The following HEATR4 variants were observed in gnomAD, a reference collection of about 807,000 sequenced individuals.
HEATR4 encodes the protein HEAT repeat containing 4.
In HEATR4, 95 loss-of-function variants were observed where a neutral mutation model predicts 108.8. The ratio of observed to expected loss-of-function variants is 0.87; its 90% CI spans 0.74 to 1.04. HEATR4 has a LOEUF of 1.04. HEATR4 is among the 50% of genes least tolerant of loss of function. The probability of loss-of-function intolerance (pLI) is 0.00; values close to 1 mark genes in which losing one functional copy is unlikely to be tolerated. For synonymous variants in HEATR4, 443 were observed against 459.4 expected (o/e 0.96, Z 0.46); for missense variants, 1,152 against 1,253.8 (o/e 0.92, Z 1.23).
intron 17 of HEATR4, among the ~76,000 whole-genome samples, chr14:73,484,136 C>T (rs902969795): frequency 2.6e-5 from 4 of 151,864 alleles, no homozygotes; most frequent in African/African-American, 4.8e-5. Flanking sequence ...GGATTGCAGG[C>T]GTGAGCCATC....
At chr14:73,617,228 G>C in the HEATR4 span, 2 of 1,614,014 alleles carry the variant, frequency 1.2e-6, no homozygotes, top group East Asian at 2.2e-5. Flanking sequence ...CAGAAGAGAG[G>C]GGATAGAGCT....
intron 17 of HEATR4, among the ~76,000 whole-genome samples, chr14:73,490,580 C>T (rs1885642369): frequency 6.6e-6 from 1 of 152,160 alleles, no homozygotes; most frequent in African/African-American, 2.4e-5. Context: ...CTCGGCCTCC[C>T]AAAGTGCTGG....
chr14:73,612,576 C>T, the HEATR4 span: 6 of 1,396,416 alleles, frequency 4.3e-6, no homozygotes, highest in African/African-American at 6.0e-5. Flanking sequence ...ATTGGGATGG[C>T]AGCGACGCTG....
chr14:73,517,361 A>G (rs764366600), intron 5 of HEATR4: 12 of 152,210 alleles, frequency 7.9e-5, no homozygotes, highest in Non-Finnish European at 1.6e-4. Context: ...TGTAAATTCA[A>G]GCTCAATAAA....
At chr14:73,526,972 C>G (rs1002527632) in intron 2 of HEATR4, among the ~76,000 whole-genome samples, 1 of 152,096 alleles carries the variant, frequency 6.6e-6, no homozygotes, top group Non-Finnish European at 1.5e-5. Context: ...AGAGAAGAGA[C>G]AAAGTGAGAG....
At chr14:73,503,807 G>A (rs924385498) in intron 10 of HEATR4, among the ~76,000 whole-genome samples, 2 of 152,138 alleles carry the variant, frequency 1.3e-5, no homozygotes, top group East Asian at 1.9e-4. Context: ...TGCCTAGTGC[G>A]TCGGATGTGG....
At position 73,496,635 on chromosome 14, in the gene HEATR4, C is replaced by A. The variant is rs773430248; in HGVS notation, c.2591G>T (p.Gly864Val). Reference protein sequence around the residue: ...TMKILNLGNEGNQEMLQEIKN... With the variant: ...TMKILNLGNEVNQEMLQEIKN... ...GATCTCCTGAAGCATTTCTTGGTTT[C>A]CTTCATTTCCTAAGTTGAGTATCTT... Residue 864 changes from glycine (G) to valine (V), a missense_variant, in exon 15 of 18, where the codon GGA becomes GTA. Coordinates refer to ENST00000553558, the MANE Select transcript of HEATR4 (RefSeq NM_001220484.1). 1.2e-6 allele frequency: 2 copies of A among 1,602,618 alleles called. No individual in the cohort carries two copies. The highest frequency in any genetic ancestry group is 1.1e-5 in the South Asian group (1 of 90,794).
chr14:73,606,854 G>C, the HEATR4 span, among the ~76,000 whole-genome samples: 2 of 152,188 alleles, frequency 1.3e-5, no homozygotes, highest in East Asian at 3.8e-4. Context: ...CACCTTCCCA[G>C]AAGGAGTCTA....
intron 1 of HEATR4, among the ~76,000 whole-genome samples, chr14:73,540,299 A>G (rs1889033110): frequency 3.3e-5 from 5 of 151,590 alleles, no homozygotes; most frequent in African/African-American, 9.6e-5. Flanking sequence ...TTAAAAAAAG[A>G]GCAAAGTCAA....
chr14:73,623,653 G>A, the HEATR4 span, among the ~76,000 whole-genome samples: 2 of 152,064 alleles, frequency 1.3e-5, no homozygotes, highest in African/African-American at 2.4e-5. Flanking sequence ...TCCAGCCTAG[G>A]TGACAGAGCA....
At chr14:73,498,432 C>G (rs1213990394) in intron 13 of HEATR4, 88 bp from the exon 14 acceptor site, 2 of 1,189,206 alleles carry the variant, frequency 1.7e-6, no homozygotes, top group Admixed American at 4.9e-5. Context: ...GCAAACAATA[C>G]CTTCCCTTTT....
upstream of HEATR4, among the ~76,000 whole-genome samples, chr14:73,562,861 T>C (rs566887998): frequency 1.8e-4 from 27 of 152,184 alleles, no homozygotes; most frequent in African/African-American, 6.0e-4. Context: ...AGAAAATACA[T>C]GCACCGCTGA....
chr14:73,612,937 G>C, the HEATR4 span: 1 of 1,322,428 alleles, frequency 7.6e-7, no homozygotes, highest in Non-Finnish European at 1.0e-6. Flanking sequence ...TGCTGTGCCT[G>C]GCGCAGAACA....
intron 1 of HEATR4, chr14:73,537,151 A>G (rs1348864775): frequency 8.7e-6 from 3 of 346,008 alleles, no homozygotes; most frequent in South Asian, 3.4e-5. Context: ...CCATTCCGCG[A>G]GCCAGCAAGC....
chr14:73,567,434 C>T, the HEATR4 span, among the ~76,000 whole-genome samples: 2 of 152,132 alleles, frequency 1.3e-5, no homozygotes, highest in African/African-American at 4.8e-5. Context: ...CACTCTGTGT[C>T]TAGCTAAAGG....
At chr14:73,506,600 T>G (rs200728814) in intron 9 of HEATR4, 29 bp from the exon 10 acceptor site, 1 of 1,515,188 alleles carries the variant, frequency 6.6e-7, no homozygotes, top group East Asian at 2.3e-5. Context: ...TGTATGGATA[T>G]TCACAATCAC....
chr14:73,479,435 C>CTTTT (rs1566814183), intron 17 of HEATR4, among the ~76,000 whole-genome samples: 1 of 89,634 alleles, frequency 1.1e-5, no homozygotes. Flanking sequence ...TTCTTTCTTT[C>CTTTT]TTTCTTTTTT....
chr14:73,605,556 C>CTTTTTT, the HEATR4 span, among the ~76,000 whole-genome samples: 66 of 56,920 alleles, frequency 1.2e-3, 1 homozygote, highest in Non-Finnish European at 1.9e-3. Flanking sequence ...CTGTAAGATT[C>CTTTTTT]TTTTTTTTTT....
chr14:73,518,839 A>G (rs1283287889), intron 5 of HEATR4, among the ~76,000 whole-genome samples, 184 bp downstream of exon 5: 1 of 152,140 alleles, frequency 6.6e-6, no homozygotes, highest in South Asian at 2.1e-4. Flanking sequence ...GGCTCTTCCT[A>G]GTTATAGTTA....
Sources: gnomAD v4.1 joint callset for allele counts (sites outside exome capture counted in the v4.1 genomes callset) on GRCh38, gnomAD v4.1.1 for gene constraint, MANE v1.5 for transcripts, NCBI Gene and HGNC (gene_info 2026-07-23, HGNC 2026-07-21) for gene names.